The following GRB7 variants were observed in gnomAD, a reference collection of about 807,000 sequenced individuals.
GRB7 encodes the protein growth factor receptor-bound protein 7.
A neutral mutation model predicts 64.1 loss-of-function variants in GRB7; 47 were observed. The ratio of observed to expected loss-of-function variants is 0.73; its 90% confidence interval spans 0.58 to 0.94. GRB7 has a LOEUF of 0.94. Ranked by LOEUF, GRB7 falls within the 40% of genes least tolerant of loss-of-function variation. GRB7 has a pLI of 0.00. For missense variants in GRB7, 634 were observed against 718.4 expected, an observed-to-expected ratio of 0.88 and a Z score of 1.34; for synonymous variants, 277 against 279.9, an observed-to-expected ratio of 0.99 and a Z score of 0.10.
chr17:39,742,463 T>C lies in GRB7; in HGVS notation c.155+7T>C, dbSNP rs774353984. 1 of 1,613,618 alleles carries C rather than the reference T, an allele frequency of 6.2e-7. No homozygotes were observed. The highest frequency in any genetic ancestry group is 1.1e-5 in the South Asian group (1 of 91,076). On this transcript the variant is annotated splice_region_variant and intron_variant, in intron 2 of 14. Transcript: ENST00000309156. ...TCATCCCAACCACCGGCAGGTACGA[T>C]GGGGCGTGGGGCTTGGGGGAGGTCA...
intron 1 of GRB7, chr17:39,740,009 G>T: frequency 1.0e-6 from 1 of 985,402 alleles, no homozygotes; most frequent in Non-Finnish European, 1.2e-6. Flanking sequence ...GATCTCTGAG[G>T]CCAGGCTCTA....
rs369490536 is a variant in GRB7 at position 39,746,132 on chromosome 17, A to G, written c.1382A>G (p.Gln461Arg). The stretch of plus-strand genomic sequence containing the variant: ...AGCCTGTTCCTGGTCCGGGAGAGTC[A>G]GCGGAACCCCCAGGGCTTTGTCCTC... ...VDGLFLVRES[Q>R]RNPQGFVLSL... is the part of the protein sequence containing the mutation. The change falls in exon 14 of 15, where the codon CAG becomes CGG. Residue 461 changes from glutamine (Q) to arginine (R), a missense_variant. Coordinates refer to ENST00000309156, the MANE Select transcript of GRB7 (RefSeq NM_005310.5). 2.0e-5 allele frequency: 32 copies of G among 1,613,986 alleles called. No homozygotes were observed. The highest frequency in any genetic ancestry group is 2.7e-5 in the Non-Finnish European group (32 of 1,179,984).
chr17:39,739,757 C>T (rs1043431927), intron 1 of GRB7, among the ~76,000 whole-genome samples: 4 of 152,220 alleles, frequency 2.6e-5, no homozygotes, highest in South Asian at 2.1e-4. Context: ...AAGCCACGGA[C>T]GGAGTTACCT....
chr17:39,745,207 CT>C, intron 9 of GRB7, 35 bp from the exon 10 acceptor site: 1 of 1,542,648 alleles, frequency 6.5e-7, no homozygotes, highest in Non-Finnish European at 8.8e-7. Context: ...CCCAGGACCT[CT>C]CGACCTCAAG....
chr17:39,741,876 G>A (rs1408038453), intron 1 of GRB7, among the ~76,000 whole-genome samples: 1 of 151,854 alleles, frequency 6.6e-6, no homozygotes. Context: ...CGGGCGTGGT[G>A]GTGGGCACCT....
intron 6 of GRB7, 119 bp downstream of exon 6, chr17:39,743,589 G>A (rs2060016522): frequency 2.5e-6 from 2 of 795,840 alleles, no homozygotes; most frequent in East Asian, 2.5e-5. Flanking sequence ...TCACAGTCCT[G>A]TGTGACTGGG....
At position 39,742,682 on chromosome 17, in the gene GRB7, G is replaced by A. The variant is rs2060006236; in HGVS notation, c.272G>A (p.Arg91Lys). The A allele has an allele frequency of 6.3e-7, 1 of 1,590,888 alleles. No homozygotes were observed. The highest frequency in any genetic ancestry group is 1.4e-5 in the African/African-American group (1 of 73,740). Reference protein sequence around the residue: ...SPILGGPSSARGLLPRDASRP... With the variant: ...SPILGGPSSAKGLLPRDASRP... ...ATTCTCGGGGGCCCCTCCAGTGCAA[G>A]GGGGCTGCTCCCCCGCGATGCCAGC... Residue 91 changes from arginine (R) to lysine (K), a missense_variant, in exon 3 of 15, where the codon AGG (arginine) becomes AAG (lysine). By Grantham distance (26) the Arg-to-Lys change is conservative. Around this residue, in one of 2 missense-constraint regions of GRB7, gnomAD observed 167 missense variants for 141.9 expected, o/e 1.18. Transcript: ENST00000309156.
intron 3 of GRB7, 76 bp from the exon 4 acceptor site, chr17:39,742,822 A>G: frequency 6.5e-7 from 1 of 1,529,206 alleles, no homozygotes. Flanking sequence ...GGAGTCCCTG[A>G]GGGTCTAGCA....
intron 1 of GRB7, chr17:39,739,089 G>A: frequency 3.7e-6 from 2 of 541,326 alleles, no homozygotes; most frequent in South Asian, 7.3e-5. Flanking sequence ...TCCCGGTCTG[G>A]GTCTCCCTGG....
chr17:39,746,595 GAC>G (rs1367629806), intron 14 of GRB7, among the ~76,000 whole-genome samples, 154 bp from the exon 15 acceptor site: 2 of 149,224 alleles, frequency 1.3e-5, no homozygotes, highest in Non-Finnish European at 3.0e-5. Context: ...CAGCCTGGAT[GAC>G]ACAGTGAGAA....
At position 39,745,056 on chromosome 17, in the gene GRB7, C is replaced by A. The variant is rs373335118; in HGVS notation, c.1011+72C>A. 5.3e-4 allele frequency: 694 copies of A among 1,321,840 alleles called. 9 individuals are homozygous for A. In the South Asian group the frequency reaches 8.2e-3, roughly 16 times the overall value. 81.9% of individuals were successfully genotyped at this position (1,321,840 alleles called of 1,614,324 possible). A position where few individuals can be genotyped will look rare whatever the true frequency, so the allele number is the denominator to read the frequency against. ...CCCCAGCTCTGCCCTCAGGAAGTCTCAGGAATGAGGAGGGCATCACAGCCT... is the reference window on the plus strand; with the variant it reads ...CCCCAGCTCTGCCCTCAGGAAGTCTAAGGAATGAGGAGGGCATCACAGCCT... On this transcript the variant is annotated intron_variant, in intron 9 of 14. Transcript: ENST00000309156.
chr17:39,745,104 C>T, intron 9 of GRB7, 120 bp downstream of exon 9: 1 of 1,100,232 alleles, frequency 9.1e-7, no homozygotes, highest in South Asian at 1.4e-5. Context: ...ACCCCCAGTC[C>T]AAGCCTGAAG....
rs768197580 is a variant in GRB7 at position 39,745,264 on chromosome 17, A to G, written c.1033A>G (p.Asn345Asp). 1.2e-6 allele frequency: 2 copies of G among 1,611,416 alleles called. No individual in the cohort carries two copies. Among genetic ancestry groups the G allele is most frequent in the South Asian group, 2.2e-5 (2 of 90,670 alleles). The change falls in exon 10 of 15, where the codon AAT becomes GAT. Residue 345 changes from asparagine (N) to aspartate (D), a missense_variant. Physicochemically the swap from Asn to Asp is conservative, Grantham distance 23. Coordinates refer to ENST00000309156, the MANE Select transcript of GRB7 (RefSeq NM_005310.5). The stretch of plus-strand genomic sequence containing the variant: ...CCAGTACGGGGTGCAGCTGTACAAG[A>G]ATTACCAGCAGGCACAGTCTCGCCA... Reference protein sequence around the residue: ...LFKYGVQLYKNYQQAQSRHLH... With the variant: ...LFKYGVQLYKDYQQAQSRHLH...
At position 39,742,911 on chromosome 17, in the gene GRB7, AC is replaced by A; in HGVS notation, c.321del (p.Tyr107Ter). The A allele has an allele frequency of 6.2e-7, 1 of 1,600,606 alleles. No individual in the cohort carries two copies. The highest frequency in any genetic ancestry group is 8.5e-7 in the Non-Finnish European group (1 of 1,172,924). On this transcript the variant is annotated frameshift_variant, in exon 4 of 15. Transcript: ENST00000309156. LOFTEE classifies it high-confidence loss of function. ...CCTGGGGCGCAGGTAGTAAAGGTGT[AC>A]AGTGAGGATGGGGCCTGCAGGTCTG... ...DASRPHVVKV[Y>X]SEDGACRSVE...
intron 12 of GRB7, 28 bp downstream of exon 12, chr17:39,745,816 G>T: frequency 6.2e-7 from 1 of 1,613,374 alleles, no homozygotes; most frequent in Non-Finnish European, 8.5e-7. Flanking sequence ...GTCCTGGGGC[G>T]GGGGCTGCCT....
intron 6 of GRB7, 129 bp from the exon 7 acceptor site, chr17:39,743,941 T>A: frequency 8.4e-7 from 1 of 1,194,402 alleles, no homozygotes; most frequent in Non-Finnish European, 1.2e-6. Context: ...TGCAGTGAGC[T>A]GTGATCGTGC....
intron 1 of GRB7, among the ~76,000 whole-genome samples, chr17:39,741,215 C>T (rs370135542): frequency 5.9e-5 from 9 of 152,194 alleles, no homozygotes; most frequent in South Asian, 2.1e-4. Flanking sequence ...ATGCGGCCCC[C>T]GCACAGTGCT....
At chr17:39,741,910 T>C (rs2059997297) in intron 1 of GRB7, among the ~76,000 whole-genome samples, 1 of 135,896 alleles carries the variant, frequency 7.4e-6, no homozygotes, top group Non-Finnish European at 1.5e-5. Flanking sequence ...CTCGGGAGGT[T>C]AAGGCACGAG....
At chr17:39,744,326 C>G in intron 7 of GRB7, 119 bp downstream of exon 7, 1 of 1,197,482 alleles carries the variant, frequency 8.4e-7, no homozygotes, top group Non-Finnish European at 1.2e-6. Flanking sequence ...CCAGCCACCT[C>G]CAGTTTACCA....
Sources: gnomAD v4.1 joint callset for allele counts (sites outside exome capture counted in the v4.1 genomes callset) on GRCh38, gnomAD v4.1.1 for gene constraint, gnomAD v4.1.1 regional missense constraint, MANE v1.5 for transcripts, NCBI Gene and HGNC (gene_info 2026-07-23, HGNC 2026-07-21) for gene names.